Variants in ARK2N observed in about 807,000 individuals in gnomAD.
ARK2N encodes arkadia (RNF111) N-terminal like PKA signaling regulator 2N, also known as protein ARK2N.
At chr18:46,245,185 G>A in the ARK2N span, among the ~76,000 whole-genome samples, 1 of 151,970 alleles carries the variant, frequency 6.6e-6, no homozygotes, top group African/African-American at 2.4e-5. Context: ...GCCCACTTCT[G>A]CATCTCAAAG....
chr18:46,216,645 A>C, the ARK2N span: 5 of 1,457,762 alleles, frequency 3.4e-6, no homozygotes, highest in Non-Finnish European at 4.6e-6. The surrounding 1 kb of genome is among the most constrained non-coding windows in gnomAD (Gnocchi z 4.3). Context: ...GGCATTTCTC[A>C]GCTATCAGGT....
At chr18:46,195,017 G>A in the ARK2N span, among the ~76,000 whole-genome samples, 1 of 150,790 alleles carries the variant, frequency 6.6e-6, no homozygotes, top group African/African-American at 2.4e-5. Context: ...GACTAGGCTG[G>A]TCTCGAACTC....
chr18:46,191,905 A>G, the ARK2N span, among the ~76,000 whole-genome samples: 2 of 152,322 alleles, frequency 1.3e-5, no homozygotes, highest in African/African-American at 4.8e-5. Context: ...TACAATTGGA[A>G]TGATACAATA....
the ARK2N span, among the ~76,000 whole-genome samples, chr18:46,223,104 G>A: frequency 1.3e-5 from 2 of 152,148 alleles, no homozygotes; most frequent in Admixed American, 6.5e-5. Context: ...AGTATTCATT[G>A]AGAAATAAGT....
the ARK2N span, among the ~76,000 whole-genome samples, chr18:46,248,899 G>A: frequency 6.6e-6 from 1 of 152,092 alleles, no homozygotes; most frequent in East Asian, 1.9e-4. Flanking sequence ...CTCTTACGCA[G>A]CTACTTCCAC....
the ARK2N span, among the ~76,000 whole-genome samples, chr18:46,256,458 T>C: frequency 6.6e-6 from 1 of 152,222 alleles, no homozygotes; most frequent in Admixed American, 6.5e-5. Flanking sequence ...CAGTTATCAT[T>C]ATATTTCTAT....
At chr18:46,203,778 G>T in the ARK2N span, among the ~76,000 whole-genome samples, 1 of 152,032 alleles carries the variant, frequency 6.6e-6, no homozygotes, top group Non-Finnish European at 1.5e-5. Flanking sequence ...GTAGAGATGG[G>T]GTTTTGCCAT....
At chr18:46,224,560 C>T in the ARK2N span, among the ~76,000 whole-genome samples, 3 of 152,202 alleles carry the variant, frequency 2.0e-5, no homozygotes, top group Admixed American at 6.5e-5. Context: ...GAGCTTAAAC[C>T]GAAACAAATC....
chr18:46,222,574 G>A, the ARK2N span, among the ~76,000 whole-genome samples: 1 of 152,260 alleles, frequency 6.6e-6, no homozygotes, highest in African/African-American at 2.4e-5. Context: ...CTTATTTTCT[G>A]AAGTGAGTGC....
the ARK2N span, among the ~76,000 whole-genome samples, chr18:46,233,101 G>C: frequency 2.0e-5 from 3 of 151,830 alleles, no homozygotes; most frequent in Non-Finnish European, 4.4e-5. Flanking sequence ...ATTATTTTTA[G>C]TTTTTTTGGT....
chr18:46,196,833 A>G, the ARK2N span, among the ~76,000 whole-genome samples: 4 of 152,196 alleles, frequency 2.6e-5, no homozygotes, highest in Non-Finnish European at 2.9e-5. Flanking sequence ...ACTCACTCAC[A>G]TGGCTGGCAA....
chr18:46,251,449 T>C, the ARK2N span, among the ~76,000 whole-genome samples: 1 of 152,302 alleles, frequency 6.6e-6, no homozygotes, highest in African/African-American at 2.4e-5. Flanking sequence ...CCACTGCTAG[T>C]GCCACATAAT....
chr18:46,261,197 ATTC>A, the ARK2N span, among the ~76,000 whole-genome samples: 1 of 152,110 alleles, frequency 6.6e-6, no homozygotes, highest in African/African-American at 2.4e-5. Flanking sequence ...TACTCTGATG[ATTC>A]TTGTTGTGTT....
the ARK2N span, among the ~76,000 whole-genome samples, chr18:46,207,388 C>CTT: frequency 0.025 from 2,886 of 115,870 alleles, 164 homozygotes; most frequent in Admixed American, 0.074. Context: ...AGTTTCTATA[C>CTT]TTTTTTTTTT....
chr18:46,184,557 C>A, the ARK2N span, among the ~76,000 whole-genome samples: 3 of 152,128 alleles, frequency 2.0e-5, no homozygotes, highest in Admixed American at 2.0e-4. Context: ...CTCCGTCTCT[C>A]CTAAAAATAC....
chr18:46,236,610 T>C, the ARK2N span, among the ~76,000 whole-genome samples: 1 of 152,238 alleles, frequency 6.6e-6, no homozygotes, highest in Non-Finnish European at 1.5e-5. Flanking sequence ...ATGGATGGAA[T>C]GTGCCTCTGT....
the ARK2N span, among the ~76,000 whole-genome samples, chr18:46,253,991 T>C: frequency 2.0e-5 from 3 of 152,246 alleles, no homozygotes; most frequent in Admixed American, 1.3e-4. Flanking sequence ...AGACATGATA[T>C]GAGCCTTAGA....
the ARK2N span, among the ~76,000 whole-genome samples, chr18:46,229,163 T>C: frequency 6.6e-5 from 10 of 152,156 alleles, no homozygotes; most frequent in Admixed American, 2.0e-4. Context: ...TTTATCTTGA[T>C]TTTCAGTTTT....
At chr18:46,232,912 A>G in the ARK2N span, 1 of 152,138 alleles carries the variant, frequency 6.6e-6, no homozygotes, top group Admixed American at 6.5e-5. Context: ...TGTAACCTAG[A>G]TGAATAAAAA....
Sources: allele counts gnomAD v4.1 joint callset (sites outside exome capture counted in the v4.1 genomes callset), GRCh38; gene constraint gnomAD v4.1.1; non-coding constraint Gnocchi (gnomAD v3.1); transcripts MANE v1.5; gene names NCBI Gene and HGNC (gene_info 2026-07-23, HGNC 2026-07-21).